The following PCDHB14 variants were observed in gnomAD, a reference collection of about 807,000 sequenced individuals.
PCDHB14 encodes the protein protocadherin beta-14.
For missense variants in PCDHB14, 1,129 were observed against 1,000.5 expected (o/e 1.13, Z -1.73); for synonymous variants, 511 against 441.5 (o/e 1.16, Z -1.97).
At position 141,225,922 on chromosome 5, in the gene PCDHB14, C is replaced by T. The variant is rs1754851873; in HGVS notation, c.*20C>T. 1.3e-6 allele frequency: 2 copies of T among 1,574,636 alleles called. No homozygotes were observed. The highest frequency in any genetic ancestry group is 2.7e-5 in the African/African-American group (2 of 73,484). On this transcript the variant is annotated 3_prime_UTR_variant, in exon 1 of 1. Transcript: ENST00000239449. ...CAATAAAACAATTTATTTTAAATGT[C>T]TAATTTTTGGTTATTCTTGGCAAGC...
rs1554289666 is a variant in PCDHB14 at position 141,226,599 on chromosome 5, A to C, written c.*697A>C. The C allele has an allele frequency of 6.6e-6, 1 of 152,154 alleles. No homozygotes were observed. Among genetic ancestry groups the C allele is most frequent in the East Asian group, 1.9e-4 (1 of 5,176 alleles). 9.4% of individuals were successfully genotyped at this position (152,154 alleles called of 1,614,324 possible). On this transcript the variant is annotated 3_prime_UTR_variant, in exon 1 of 1. Coordinates refer to ENST00000239449, the MANE Select transcript of PCDHB14 (RefSeq NM_018934.4). ...TTTATGTTTTTTGAGACAGGGTCTC[A>C]TTCCATTGACCTGGCTGGAATGCAG...
At position 141,227,632 on chromosome 5, in the gene PCDHB14, A is replaced by G. The variant is rs1754886280; in HGVS notation, c.*1730A>G. 6.6e-6 allele frequency: 1 copy of G among 152,222 alleles called. No individual in the cohort carries two copies. The highest frequency in any genetic ancestry group is 6.5e-5 in the Admixed American group (1 of 15,282). 9.4% of individuals were successfully genotyped at this position (152,222 alleles called of 1,614,324 possible). On this transcript the variant is annotated 3_prime_UTR_variant, in exon 1 of 1. Coordinates refer to ENST00000239449, the MANE Select transcript of PCDHB14 (RefSeq NM_018934.4). ...TTGTGAAATAGGTGAAACAAATTCC[A>G]GTTTCCTTAGATTTCTTCCCTCTAC...
rs1422702623 is a variant in PCDHB14 at position 141,226,907 on chromosome 5, T to G, written c.*1005T>G. 2.6e-5 allele frequency: 4 copies of G among 152,244 alleles called. No homozygotes were observed. Among genetic ancestry groups the G allele is most frequent in the African/African-American group, 9.7e-5 (4 of 41,438 alleles). The allele number at this position is 152,244 out of a possible 1,614,324, so 9.4% of individuals were successfully genotyped here. The stretch of plus-strand genomic sequence containing the variant: ...GAGTAGTGGCAGGATCTTGGCTCAC[T>G]GCAGCCTCGACATCCTGGGCTCAGG... On this transcript the variant is annotated 3_prime_UTR_variant, in exon 1 of 1. Coordinates refer to ENST00000239449, the MANE Select transcript of PCDHB14 (RefSeq NM_018934.4).
In PCDHB14 at chr5:141,224,082, G is replaced by A; in HGVS notation, c.577G>A (p.Glu193Lys). 6.2e-7 allele frequency: 1 copy of A among 1,614,048 alleles called. No individual in the cohort carries two copies. Among genetic ancestry groups the A allele is most frequent in the Non-Finnish European group, 8.5e-7 (1 of 1,180,022 alleles). Reference sequence around the variant, plus strand: ...CAGTAGTGACAGAAAGATATACCCAGAGCTGGTCCTAGATAGAGCTTTAGA... The same window carrying A: ...CAGTAGTGACAGAAAGATATACCCAAAGCTGGTCCTAGATAGAGCTTTAGA... ...PDSSDRKIYPELVLDRALDYE... is the reference protein window; with the variant it reads ...PDSSDRKIYPKLVLDRALDYE... The change falls in exon 1 of 1, where the codon GAG becomes AAG. Residue 193 changes from glutamate to lysine, a missense_variant. Physicochemically the swap from Glu to Lys is moderately conservative, Grantham distance 56. Transcript: ENST00000239449.
rs139063421 is a variant in PCDHB14, at chr5:141,223,787, G to A, written c.282G>A (p.Glu94=). The A allele has an allele frequency of 5.9e-5, 96 of 1,613,884 alleles. No individual in the cohort carries two copies. Among genetic ancestry groups the A allele is most frequent in the Middle Eastern group, 4.9e-4 (3 of 6,082 alleles). ...TAAATGAGAAACTAGACCGAGACGAGCTGTGTGGCTCCACCGAGCCCTGTG... is the reference window on the plus strand; with the variant it reads ...TAAATGAGAAACTAGACCGAGACGAACTGTGTGGCTCCACCGAGCCCTGTG... ...LLLNEKLDRD[E]LCGSTEPCVL... The change falls in exon 1 of 1, where the codon GAG becomes GAA. Residue 94 remains glutamate (E), a synonymous_variant. Transcript: ENST00000239449.
chr5:141,224,909 G>A lies in PCDHB14; in HGVS notation c.1404G>A (p.Leu468=), dbSNP rs782819570. 2 of 1,612,926 alleles carry A rather than the reference G, an allele frequency of 1.2e-6. No individual in the cohort carries two copies. The highest frequency in any genetic ancestry group is 1.7e-6 in the Non-Finnish European group (2 of 1,180,038). The change falls in exon 1 of 1, where the codon CTG becomes CTA. Residue 468 remains leucine, a synonymous_variant. Transcript: ENST00000239449. ...LFVRENNSPA[L]HIGSVSATDR... Reference sequence around the variant, plus strand: ...TCCGCGAGAACAACAGCCCCGCCCTGCACATCGGCAGCGTCAGCGCCACAG... The same window carrying A: ...TCCGCGAGAACAACAGCCCCGCCCTACACATCGGCAGCGTCAGCGCCACAG...
chr5:141,225,897 CA>C lies in PCDHB14; in HGVS notation c.2394del (p.Gln798HisfsTer33). On this transcript the variant is annotated frameshift_variant, in exon 1 of 1. Transcript: ENST00000239449. LOFTEE classifies it high-confidence loss of function. ...TCGAAATAGCTTTGGACTTAACATTCAATAAAACAATTTATTTTAAATGTCT... is the reference window on the plus strand; with the variant it reads ...TCGAAATAGCTTTGGACTTAACATTCATAAAACAATTTATTTTAAATGTCT... Reference protein sequence around the residue: ...NFRNSFGLNIQ With the variant: ...NFRNSFGLNIX 1 of 1,594,714 alleles carries C rather than the reference CA, an allele frequency of 6.3e-7. No individual in the cohort carries two copies. Among genetic ancestry groups the C allele is most frequent in the Non-Finnish European group, 8.5e-7 (1 of 1,170,502 alleles).
rs113204916 is a variant in PCDHB14, at chr5:141,227,585, T to C, written c.*1683T>C. ...TACTATTATAGACCAGATGATGTAG[T>C]AAAATGGAATTTCACTTGCCATTGT... is the stretch of plus-strand genomic sequence containing the variant. On this transcript the variant is annotated 3_prime_UTR_variant, in exon 1 of 1. Transcript: ENST00000239449. The C allele has an allele frequency of 3.3e-5, 5 of 152,340 alleles. No homozygotes were observed. Among genetic ancestry groups the C allele is most frequent in the African/African-American group, 9.6e-5 (4 of 41,578 alleles). 9.4% of individuals were successfully genotyped at this position (152,340 alleles called of 1,614,324 possible).
chr5:141,224,466 G>A lies in PCDHB14; in HGVS notation c.961G>A (p.Ala321Thr). The A allele has an allele frequency of 6.2e-7, 1 of 1,612,288 alleles. No homozygotes were observed. The highest frequency in any genetic ancestry group is 1.1e-5 in the South Asian group (1 of 90,776). The part of the protein sequence containing the change: ...VIQSYTINIQ[A>T]TDGGGLSGKC... ...ACAGTCCTACACTATAAATATTCAG[G>A]CAACAGATGGTGGGGGTCTTTCAGG... The change falls in exon 1 of 1, where the codon GCA (alanine) becomes ACA (threonine). Residue 321 changes from alanine to threonine, a missense_variant. Physicochemically the swap from Ala to Thr is moderately conservative, Grantham distance 58. Transcript: ENST00000239449.
chr5:141,224,755 A>G lies in PCDHB14; in HGVS notation c.1250A>G (p.Tyr417Cys), dbSNP rs376153924. 1.1e-5 allele frequency: 17 copies of G among 1,614,102 alleles called. No individual in the cohort carries two copies. The East Asian group carries it at 1.3e-4, about 13-fold the overall frequency. Residue 417 changes from tyrosine to cysteine, a missense_variant, in exon 1 of 1, where the codon TAC becomes TGC. By Grantham distance (194) the Tyr-to-Cys change is radical. Transcript: ENST00000239449. ...KALDRESQAE[Y>C]NITITVTDLG... ...CTGGACAGAGAGAGCCAAGCCGAGT[A>G]CAACATCACGATCACCGTCACAGAC...
At position 141,226,029 on chromosome 5, in the gene PCDHB14, A is replaced by C; in HGVS notation, c.*127A>C. ...CATGATTATAGCTCTTGTTTTTCTC[A>C]CAGTTTCTTTAAAAATCTTTATTAG... is the stretch of plus-strand genomic sequence containing the variant. On this transcript the variant is annotated 3_prime_UTR_variant, in exon 1 of 1. Coordinates refer to ENST00000239449, the MANE Select transcript of PCDHB14 (RefSeq NM_018934.4). The C allele has an allele frequency of 3.6e-6, 3 of 833,804 alleles. No individual in the cohort carries two copies. Among genetic ancestry groups the C allele is most frequent in the Non-Finnish European group, 5.5e-6 (3 of 543,720 alleles). The allele number at this position is 833,804 out of a possible 1,614,324, so 51.7% of individuals were successfully genotyped here.
At position 141,224,888 on chromosome 5, in the gene PCDHB14, C is replaced by A. The variant is rs140345803; in HGVS notation, c.1383C>A (p.Arg461=). The A allele has an allele frequency of 9.9e-6, 16 of 1,613,370 alleles. No individual in the cohort carries two copies. The highest frequency in any genetic ancestry group is 2.7e-5 in the African/African-American group (2 of 75,030). The change falls in exon 1 of 1, where the codon CGC becomes CGA. Residue 461 remains arginine (R), a synonymous_variant. Coordinates refer to ENST00000239449, the MANE Select transcript of PCDHB14 (RefSeq NM_018934.4). The stretch of plus-strand genomic sequence containing the variant: ...AAACCTCCTACACCCTGTTCGTCCG[C>A]GAGAACAACAGCCCCGCCCTGCACA... ...FTQTSYTLFV[R]ENNSPALHIG... is the part of the protein sequence containing the mutation.
Position 141,223,483 on chromosome 5 carries a change from A to G in PCDHB14, c.-23A>G, listed in dbSNP as rs782565299. On this transcript the variant is annotated 5_prime_UTR_variant, in exon 1 of 1. Coordinates refer to ENST00000239449, the MANE Select transcript of PCDHB14 (RefSeq NM_018934.4). ...ATTACGGCTGAGCTTCAGTTTTTCCACAAGAGATTGCCTAAAGGAACCATG... is the reference window on the plus strand; with the variant it reads ...ATTACGGCTGAGCTTCAGTTTTTCCGCAAGAGATTGCCTAAAGGAACCATG... 3.2e-6 allele frequency: 5 copies of G among 1,544,096 alleles called. No homozygotes were observed. The highest frequency in any genetic ancestry group is 1.2e-5 in the South Asian group (1 of 81,540).
chr5:141,225,905 CAATT>C lies in PCDHB14; in HGVS notation c.*4_*7del, dbSNP rs2149686852. On this transcript the variant is annotated 3_prime_UTR_variant, in exon 1 of 1. Coordinates refer to ENST00000239449, the MANE Select transcript of PCDHB14 (RefSeq NM_018934.4). ...GCTTTGGACTTAACATTCAATAAAA[CAATT>C]TATTTTAAATGTCTAATTTTTGGTT... The C allele has an allele frequency of 6.3e-7, 1 of 1,591,264 alleles. No homozygotes were observed. The highest frequency in any genetic ancestry group is 8.6e-7 in the Non-Finnish European group (1 of 1,168,704).
rs782755321 is a variant in PCDHB14, at chr5:141,225,164, C to T, written c.1659C>T (p.Asp553=). The T allele has an allele frequency of 5.6e-6, 9 of 1,611,164 alleles. No individual in the cohort carries two copies. The East Asian group carries it at 1.1e-4, about 20-fold the overall frequency. ...SEALVRVLVL[D]ANDNSPFVLY... ...CGCTGGTGCGCGTGCTGGTGCTGGACGCCAACGACAACTCGCCCTTCGTGC... is the reference window on the plus strand; with the variant it reads ...CGCTGGTGCGCGTGCTGGTGCTGGATGCCAACGACAACTCGCCCTTCGTGC... Residue 553 remains aspartate, a synonymous_variant, in exon 1 of 1, where the codon GAC becomes GAT. Coordinates refer to ENST00000239449, the MANE Select transcript of PCDHB14 (RefSeq NM_018934.4).
Position 141,225,425 on chromosome 5 carries a change from G to C in PCDHB14, c.1920G>C (p.Leu640=), listed in dbSNP as rs782734417. The C allele has an allele frequency of 7.5e-6, 12 of 1,604,538 alleles. No homozygotes were observed. Among genetic ancestry groups the C allele is most frequent in the South Asian group, 6.6e-5 (6 of 90,930 alleles). Reference sequence around the variant, plus strand: ...AGCGCGACGCGGCCAAGCACAGGCTGGTGGTGCTGGTCAAGGACAATGGCG... The same window carrying C: ...AGCGCGACGCGGCCAAGCACAGGCTCGTGGTGCTGGTCAAGGACAATGGCG... ...LSERDAAKHR[L]VVLVKDNGEP... The change falls in exon 1 of 1, where the codon CTG becomes CTC. Residue 640 remains leucine (L), a synonymous_variant. Transcript: ENST00000239449.
rs377232188 is a variant in PCDHB14, at chr5:141,224,810, C to T, written c.1305C>T (p.Tyr435=). 12 of 1,614,050 alleles carry T rather than the reference C, an allele frequency of 7.4e-6. No individual in the cohort carries two copies. The highest frequency in any genetic ancestry group is 6.7e-5 in the African/African-American group (5 of 74,926). ...DLGTPRLKTE[Y]NITVLLSDVN... is the part of the protein sequence containing the mutation. ...GGACACCCAGGCTGAAAACCGAGTA[C>T]AACATAACCGTGCTGCTCTCTGACG... Residue 435 remains tyrosine (Y), a synonymous_variant, in exon 1 of 1, where the codon TAC becomes TAT. Coordinates refer to ENST00000239449, the MANE Select transcript of PCDHB14 (RefSeq NM_018934.4).
chr5:141,223,625 A>T lies in PCDHB14; in HGVS notation c.120A>T (p.Glu40Asp), dbSNP rs1554288997. 4 of 1,614,174 alleles carry T rather than the reference A, an allele frequency of 2.5e-6. No individual in the cohort carries two copies. The change falls in exon 1 of 1, where the codon GAA becomes GAT. Residue 40 changes from glutamate to aspartate, a missense_variant. Glu to Asp is a conservative substitution (Grantham distance 45). Coordinates refer to ENST00000239449, the MANE Select transcript of PCDHB14 (RefSeq NM_018934.4). ...ACTATTCTGTGGCAGAGGAAACAGAAATTGGCTCTTTTGTGGCTAATCTAG... is the reference window on the plus strand; with the variant it reads ...ACTATTCTGTGGCAGAGGAAACAGATATTGGCTCTTTTGTGGCTAATCTAG... ...SAHYSVAEETEIGSFVANLAR... is the reference protein window; with the variant it reads ...SAHYSVAEETDIGSFVANLAR...
chr5:141,227,349 T>C lies in PCDHB14; in HGVS notation c.*1447T>C, dbSNP rs1754880802. Reference sequence around the variant, plus strand: ...ATTATTGAGTAAATATAAAACATCATTAACACTTTGTGGCCTCTCTCAGAT... The same window carrying C: ...ATTATTGAGTAAATATAAAACATCACTAACACTTTGTGGCCTCTCTCAGAT... On this transcript the variant is annotated 3_prime_UTR_variant, in exon 1 of 1. Transcript: ENST00000239449. 1 of 152,218 alleles carries C rather than the reference T, an allele frequency of 6.6e-6. No individual in the cohort carries two copies. The highest frequency in any genetic ancestry group is 2.4e-5 in the African/African-American group (1 of 41,446). The allele number at this position is 152,218 out of a possible 1,614,324, so 9.4% of individuals were successfully genotyped here. A position where few individuals can be genotyped will look rare whatever the true frequency, so the allele number is the denominator to read the frequency against.
Sources: gnomAD v4.1 joint callset for allele counts on GRCh38, gnomAD v4.1.1 for gene constraint, MANE v1.5 for transcripts, NCBI Gene and HGNC (gene_info 2026-07-23, HGNC 2026-07-21) for gene names.